Variants in DACH1 observed in about 807,000 individuals in gnomAD.
DACH1 encodes dachshund homolog 1.
Under a neutral mutation model 54.2 loss-of-function variants are expected in DACH1, and 12 were observed. The ratio of observed to expected loss-of-function variants is 0.22; its 90% CI spans 0.14 to 0.36. The LOEUF is 0.36. Among genes scored for constraint, DACH1 ranks in the 10% least tolerant of loss-of-function variants. The probability of loss-of-function intolerance (pLI) is 1.00; values close to 1 mark genes in which losing one functional copy is unlikely to be tolerated. For synonymous variants in DACH1, 386 were observed against 366.2 expected, an observed-to-expected ratio of 1.05 and a Z score of -0.62; for missense variants, 805 against 929.8, an observed-to-expected ratio of 0.87 and a Z score of 1.75.
intron 6 of DACH1, among the ~76,000 whole-genome samples, chr13:71,491,878 T>C (rs1288263387): frequency 6.6e-6 from 1 of 152,166 alleles, no homozygotes; most frequent in African/African-American, 2.4e-5. Context: ...AAAGCAAAAG[T>C]TTGAGAGGCC....
chr13:71,683,948 T>A (rs1199914710), intron 1 of DACH1, among the ~76,000 whole-genome samples: 1 of 152,162 alleles, frequency 6.6e-6, no homozygotes, highest in East Asian at 1.9e-4. Context: ...GAACTCAGCA[T>A]CTATCCCATT....
chr13:71,789,974 C>T (rs1433838177), intron 1 of DACH1, among the ~76,000 whole-genome samples: 4 of 152,108 alleles, frequency 2.6e-5, no homozygotes, highest in Non-Finnish European at 5.9e-5. Flanking sequence ...TATTTATTCA[C>T]AGAAAGGACA....
At position 71,772,964 on chromosome 13, in the gene DACH1, C is replaced by A. The variant is rs112018718; in HGVS notation, c.849-91054G>T. 2.8e-3 allele frequency among the ~76,000 whole-genome samples: 428 copies of A among 151,746 alleles called. 3 individuals are homozygous for A. The highest frequency in any genetic ancestry group is 1.0e-2 in the African/African-American group (413 of 41,466). Reference sequence around the variant, plus strand: ...GATATAACTATAATAACAAAATATGCTATATTGAAATGCCCACCCAATTAC... The same window carrying A: ...GATATAACTATAATAACAAAATATGATATATTGAAATGCCCACCCAATTAC... On this transcript the variant is annotated intron_variant, in intron 1 of 10. Coordinates refer to ENST00000613252, the MANE Select transcript of DACH1 (RefSeq NM_080759.6).
intron 3 of DACH1, among the ~76,000 whole-genome samples, chr13:71,603,867 T>C (rs1011483158): frequency 2.0e-5 from 3 of 151,942 alleles, no homozygotes; most frequent in African/African-American, 4.8e-5. Context: ...CATTACAAGT[T>C]ATTGTTTCTT....
At chr13:71,488,646 T>C (rs1348702578) in intron 7 of DACH1, among the ~76,000 whole-genome samples, 2 of 152,004 alleles carry the variant, frequency 1.3e-5, no homozygotes, top group African/African-American at 4.8e-5. Flanking sequence ...TTATTAGAAC[T>C]AGTGTGCCGT....
intron 1 of DACH1, among the ~76,000 whole-genome samples, chr13:71,698,172 C>A (rs920856314): frequency 5.9e-5 from 9 of 151,702 alleles, no homozygotes; most frequent in Non-Finnish European, 1.0e-4. Flanking sequence ...GGTGACAGAG[C>A]GAGACTCCGT....
chr13:71,596,121 G>A (rs1874078701), intron 3 of DACH1, among the ~76,000 whole-genome samples: 1 of 151,398 alleles, frequency 6.6e-6, no homozygotes, highest in Non-Finnish European at 1.5e-5. Context: ...TTTTATTTCT[G>A]GAAGAATAAA....
intron 3 of DACH1, among the ~76,000 whole-genome samples, chr13:71,614,828 T>G (rs1875629736): frequency 7.6e-6 from 1 of 130,864 alleles, no homozygotes; most frequent in East Asian, 2.2e-4. Context: ...CACCCCAGCC[T>G]GGGTGACAAA....
chr13:71,501,927 G>T (rs1245901830), intron 6 of DACH1, among the ~76,000 whole-genome samples: 4 of 152,066 alleles, frequency 2.6e-5, no homozygotes, highest in African/African-American at 7.2e-5. Flanking sequence ...AGAGGTAAAA[G>T]AAGTTAATTA....
chr13:71,556,100 G>A (rs1223942167), intron 6 of DACH1, among the ~76,000 whole-genome samples: 1 of 152,004 alleles, frequency 6.6e-6, no homozygotes, highest in Non-Finnish European at 1.5e-5. Context: ...TGGGAAGAAG[G>A]TACCCCTCCT....
intron 7 of DACH1, among the ~76,000 whole-genome samples, chr13:71,485,060 T>G (rs1263139640): frequency 6.6e-6 from 1 of 150,884 alleles, no homozygotes; most frequent in Non-Finnish European, 1.5e-5. Context: ...CGTCTTAAAT[T>G]TAAAAAAAAA....
At chr13:71,494,432 T>C (rs970341029) in intron 6 of DACH1, among the ~76,000 whole-genome samples, 8 of 152,126 alleles carry the variant, frequency 5.3e-5, no homozygotes, top group Admixed American at 5.2e-4. Context: ...CACTTTATTA[T>C]AAAATAAGTT....
chr13:71,441,045 A>G (rs1305902573), intron 10 of DACH1, among the ~76,000 whole-genome samples: 1 of 152,030 alleles, frequency 6.6e-6, no homozygotes, highest in Non-Finnish European at 1.5e-5. Context: ...TTGCAGAACC[A>G]AATTTTCTCT....
rs574804816 is a variant in DACH1 at position 71,492,777 on chromosome 13, G to A, written c.1571-3629C>T. ...TGTGTGTGTGAGTGTATGTGTGTGT[G>A]TATGGTGTGAGGGAGGGTGCATATG... On this transcript the variant is annotated intron_variant, in intron 6 of 10. Coordinates refer to ENST00000613252, the MANE Select transcript of DACH1 (RefSeq NM_080759.6). 2.6e-5 allele frequency among the ~76,000 whole-genome samples: 4 copies of A among 151,468 alleles called. No individual in the cohort carries two copies. The South Asian group carries it at 8.3e-4, about 32-fold the overall frequency.
chr13:71,835,803 C>T (rs1196480093), intron 1 of DACH1, among the ~76,000 whole-genome samples: 1 of 151,712 alleles, frequency 6.6e-6, no homozygotes, highest in Non-Finnish European at 1.5e-5. Flanking sequence ...CAAACAACAA[C>T]AAAAAAATCA....
chr13:71,714,169 G>T (rs1003979180), intron 1 of DACH1, among the ~76,000 whole-genome samples: 1 of 151,942 alleles, frequency 6.6e-6, no homozygotes, highest in Admixed American at 6.6e-5. Flanking sequence ...CACTTTCATA[G>T]AAACAGTTTC....
At chr13:71,492,190 T>C (rs1879036051) in intron 6 of DACH1, among the ~76,000 whole-genome samples, 1 of 152,154 alleles carries the variant, frequency 6.6e-6, no homozygotes, top group Non-Finnish European at 1.5e-5. Context: ...CTGTAATGTG[T>C]GAATGGCTGA....
chr13:71,498,554 C>T lies in DACH1; in HGVS notation c.1571-9406G>A, dbSNP rs547168866. 4.0e-5 allele frequency among the ~76,000 whole-genome samples: 6 copies of T among 151,600 alleles called. No homozygotes were observed. The South Asian group carries it at 1.3e-3, about 32-fold the overall frequency. ...TTTTAAATGCATGCATTTATAATCTCAATAAGGTTATATGCCAAAAGAGTG... is the reference window on the plus strand; with the variant it reads ...TTTTAAATGCATGCATTTATAATCTTAATAAGGTTATATGCCAAAAGAGTG... On this transcript the variant is annotated intron_variant, in intron 6 of 10. Coordinates refer to ENST00000613252, the MANE Select transcript of DACH1 (RefSeq NM_080759.6).
intron 6 of DACH1, among the ~76,000 whole-genome samples, chr13:71,552,838 TATATAGAGAGAGAGAG>T (rs1821046104): frequency 9.2e-5 from 2 of 21,628 alleles, no homozygotes; most frequent in African/African-American, 4.0e-4. Flanking sequence ...TATATATATA[TATATAGAGAGAGAGAG>T]AGAGAGAGAG....
Sources: gnomAD v4.1 joint callset for allele counts (sites outside exome capture counted in the v4.1 genomes callset) on GRCh38, gnomAD v4.1.1 for gene constraint, MANE v1.5 for transcripts, NCBI Gene and HGNC (gene_info 2026-07-23, HGNC 2026-07-21) for gene names.